BDP1: variants seen among roughly 807,000 people sequenced by gnomAD.
The protein encoded by BDP1 is transcription factor TFIIIB component B'' homolog.
A neutral mutation model predicts 266.6 loss-of-function variants in BDP1; 169 were observed. That is an observed-to-expected ratio of 0.63 (90% confidence interval 0.56 to 0.72). BDP1 has a LOEUF of 0.72. Among genes scored for constraint, BDP1 ranks in the 30% least tolerant of loss-of-function variants. The pLI is 0.00. For synonymous variants in BDP1, 1,090 were observed against 1,022.4 expected (o/e 1.07, Z -1.26); for missense variants, 3,015 against 3,053.8 (o/e 0.99, Z 0.30).
In BDP1 at chr5:71,501,590, C is replaced by A; in HGVS notation, c.1985C>A (p.Thr662Lys). The A allele has an allele frequency of 6.3e-7, 1 of 1,597,188 alleles. No homozygotes were observed. ...CACGTGGAAAAAGATAAAATGAATA[C>A]ATTGGACATTTTGAGAATGGAGACT... ...KNHVEKDKMN[T>K]LDILRMETTE... Residue 662 changes from threonine to lysine, a missense_variant, in exon 14 of 39, where the codon ACA (threonine) becomes AAA (lysine). Coordinates refer to ENST00000358731, the MANE Select transcript of BDP1 (RefSeq NM_018429.3).
intron 32 of BDP1, 87 bp from the exon 33 acceptor site, chr5:71,548,595 C>G (rs1742501152): frequency 1.6e-5 from 13 of 804,296 alleles, no homozygotes; most frequent in Non-Finnish European, 2.4e-5. Context: ...TTGAGTTAAT[C>G]TCTTCACTAT....
At position 71,554,837 on chromosome 5, in the gene BDP1, T is replaced by A. The variant is rs369108843; in HGVS notation, c.7200+1517T>A. Among the ~76,000 whole-genome samples, 15 of 152,334 alleles carry A rather than the reference T, an allele frequency of 9.8e-5. 1 individual carries two copies. Among genetic ancestry groups the A allele is most frequent in the African/African-American group, 3.6e-4 (15 of 41,592 alleles). On this transcript the variant is annotated intron_variant, in intron 35 of 38. Transcript: ENST00000358731. ...TGCTTAGGACCGGAAGTGTTTCAAA[T>A]TTCAGATTTTTTTGAATTTTAGAAT...
chr5:71,509,383 C>T, intron 16 of BDP1, 82 bp from the exon 17 acceptor site: 1 of 1,410,682 alleles, frequency 7.1e-7, no homozygotes, highest in Non-Finnish European at 9.4e-7. Context: ...TCTGGTGTTT[C>T]TGTAGTGATT....
intron 2 of BDP1, among the ~76,000 whole-genome samples, chr5:71,459,945 A>G (rs1761436996): frequency 6.6e-6 from 1 of 152,248 alleles, no homozygotes; most frequent in African/African-American, 2.4e-5. Flanking sequence ...TGTATTCTGC[A>G]AGTATTCAAA....
chr5:71,502,421 G>T (rs561139), intron 14 of BDP1, among the ~76,000 whole-genome samples, 178 bp from the exon 15 acceptor site: 1 of 151,826 alleles, frequency 6.6e-6, no homozygotes, highest in African/African-American at 2.4e-5. Flanking sequence ...TGATTCGCCC[G>T]CCTCGGCCTC....
chr5:71,545,231 T>C lies in BDP1; in HGVS notation c.6744+12T>C, dbSNP rs750419928. The C allele has an allele frequency of 1.2e-6, 2 of 1,609,088 alleles. No individual in the cohort carries two copies. The highest frequency in any genetic ancestry group is 3.4e-5 in the Admixed American group (2 of 59,086). On this transcript the variant is annotated intron_variant, in intron 32 of 38. Coordinates refer to ENST00000358731, the MANE Select transcript of BDP1 (RefSeq NM_018429.3). ...TTCCTGTGCCAGAGGTAAAAGAATG[T>C]ACAGTATAATAAGGGATAGCAAGGT... is the stretch of plus-strand genomic sequence containing the variant.
intron 11 of BDP1, among the ~76,000 whole-genome samples, chr5:71,491,943 T>G (rs1763621793): frequency 6.6e-6 from 1 of 152,182 alleles, no homozygotes; most frequent in Non-Finnish European, 1.5e-5. Context: ...GGTCTTGAAC[T>G]GAGCTCAGGT....
intron 2 of BDP1, among the ~76,000 whole-genome samples, chr5:71,459,397 A>G (rs1034547347): frequency 1.4e-4 from 22 of 152,128 alleles, no homozygotes; most frequent in African/African-American, 1.7e-4. Context: ...CTGTAATCCC[A>G]ACTACTGGGG....
In BDP1 at chr5:71,563,398, A is replaced by G. The variant is rs373975370; in HGVS notation, c.7743+878A>G. Among the ~76,000 whole-genome samples the G allele has an allele frequency of 9.9e-5, 15 of 152,190 alleles. 1 individual carries two copies. Among genetic ancestry groups the G allele is most frequent in the African/African-American group, 3.6e-4 (15 of 41,540 alleles). ...CCTGGCCTCAAGCCTTGGCCTCCCA[A>G]AGTGTTGGAATTACAGGCATGAGCC... On this transcript the variant is annotated intron_variant, in intron 38 of 38. Coordinates refer to ENST00000358731, the MANE Select transcript of BDP1 (RefSeq NM_018429.3).
At chr5:71,519,858 G>T (rs1362716127) in intron 22 of BDP1, among the ~76,000 whole-genome samples, 1 of 152,134 alleles carries the variant, frequency 6.6e-6, no homozygotes, top group African/African-American at 2.4e-5. Flanking sequence ...TCAAATGGTA[G>T]TTCTATTTTT....
chr5:71,497,652 C>A (rs1763975710), intron 13 of BDP1, among the ~76,000 whole-genome samples: 1 of 152,178 alleles, frequency 6.6e-6, no homozygotes. Context: ...GGTGATAAAT[C>A]TGTCTTCTGT....
chr5:71,473,464 C>T (rs1463195352), intron 7 of BDP1, among the ~76,000 whole-genome samples: 2 of 151,180 alleles, frequency 1.3e-5, no homozygotes, highest in African/African-American at 2.4e-5. Context: ...TTAGTTGAGA[C>T]GGAGTTTCAC....
chr5:71,470,561 T>A, intron 7 of BDP1, 72 bp downstream of exon 7: 1 of 983,078 alleles, frequency 1.0e-6, no homozygotes, highest in Non-Finnish European at 1.5e-6. Context: ...TATTATTCGC[T>A]TACCTTTGGT....
chr5:71,550,486 G>A (rs1413404080), intron 34 of BDP1, among the ~76,000 whole-genome samples: 29 of 151,524 alleles, frequency 1.9e-4, no homozygotes, highest in Admixed American at 1.9e-3. Flanking sequence ...TCTTTTTTCA[G>A]AGGTAGAGTC....
At chr5:71,555,722 T>G (rs1162102506) in intron 35 of BDP1, among the ~76,000 whole-genome samples, 1 of 152,128 alleles carries the variant, frequency 6.6e-6, no homozygotes, top group Non-Finnish European at 1.5e-5. Flanking sequence ...ATTACAGGTG[T>G]GGGCCACCAC....
chr5:71,542,007 T>G (rs537839904), intron 29 of BDP1, 98 bp from the exon 30 acceptor site: 89 of 958,090 alleles, frequency 9.3e-5, no homozygotes, highest in Non-Finnish European at 1.3e-4. Context: ...GTGTGGCACC[T>G]AACAGGTCAT....
intron 13 of BDP1, among the ~76,000 whole-genome samples, chr5:71,499,850 G>A (rs1408783420): frequency 1.3e-5 from 2 of 152,108 alleles, no homozygotes; most frequent in Non-Finnish European, 2.9e-5. Flanking sequence ...AGGAAACAAA[G>A]TATAAATTTC....
At chr5:71,504,884 T>C (rs994332129) in intron 16 of BDP1, 133 bp downstream of exon 16, 1 of 794,824 alleles carries the variant, frequency 1.3e-6, no homozygotes, top group Non-Finnish European at 2.0e-6. Flanking sequence ...TTTAAAAATA[T>C]AACTTCACCT....
At chr5:71,539,922 A>T (rs1371258090) in intron 28 of BDP1, among the ~76,000 whole-genome samples, 2 of 151,926 alleles carry the variant, frequency 1.3e-5, no homozygotes, top group Admixed American at 1.3e-4. Flanking sequence ...TATGCATGGT[A>T]AAGGTAGTGA....
Sources: allele counts gnomAD v4.1 joint callset (sites outside exome capture counted in the v4.1 genomes callset), GRCh38; gene constraint gnomAD v4.1.1; transcripts MANE v1.5; gene names NCBI Gene and HGNC (gene_info 2026-07-23, HGNC 2026-07-21).